The following ADGRE2 variants were observed in gnomAD, a reference collection of about 807,000 sequenced individuals.
ADGRE2 encodes the protein adhesion G protein-coupled receptor E2, also known as CD97 antigen.
In ADGRE2, 83 loss-of-function variants were observed where a neutral mutation model predicts 100.8. The observed-to-expected ratio is 0.82, with a 90% CI of 0.69 to 0.99. The LOEUF (loss-of-function observed/expected upper bound fraction) is 0.99. ADGRE2 is among the 50% of genes least tolerant of loss of function. The pLI, the probability that ADGRE2 is intolerant of heterozygous loss-of-function variation, is 0.00. For synonymous variants in ADGRE2, 355 were observed against 413.0 expected (o/e 0.86, Z 1.70); for missense variants, 814 against 1,035.7 (o/e 0.79, Z 2.94).
intron 20 of ADGRE2, chr19:14,741,699 A>T (rs1375538415): frequency 5.6e-6 from 1 of 179,430 alleles, no homozygotes; most frequent in East Asian, 1.3e-4. Context: ...GTTAGCCAGG[A>T]TGGTCTCGAT....
intron 1 of ADGRE2, 84 bp from the exon 2 acceptor site, chr19:14,777,011 CACA>C: frequency 1.5e-6 from 2 of 1,318,490 alleles, no homozygotes; most frequent in Non-Finnish European, 1.9e-6. Context: ...CACACACACA[CACA>C]CGTGTACTCG....
At chr19:14,737,676 T>C (rs2042797416) in intron 20 of ADGRE2, among the ~76,000 whole-genome samples, 1 of 152,040 alleles carries the variant, frequency 6.6e-6, no homozygotes, top group Admixed American at 6.6e-5. Flanking sequence ...AAAGTATCTA[T>C]CTGGGCCAGG....
chr19:14,733,013 T>A lies in ADGRE2; in HGVS notation c.*3223A>T, dbSNP rs2042689846. The stretch of plus-strand genomic sequence containing the variant: ...GGCTCTACACTCATAGGGACCCACA[T>A]GTTCCAAGCCTCCAGCTGTGTGTTC... On this transcript the variant is annotated 3_prime_UTR_variant, in exon 21 of 21. Transcript: ENST00000315576. The A allele has an allele frequency of 6.6e-6, 1 of 152,210 alleles. No homozygotes were observed. Among genetic ancestry groups the A allele is most frequent in the African/African-American group, 2.4e-5 (1 of 41,454 alleles). The allele number at this position is 152,210 out of a possible 1,614,324, so 9.4% of individuals were successfully genotyped here.
chr19:14,754,824 A>G (rs2043429988), intron 14 of ADGRE2, 130 bp downstream of exon 14: 1 of 1,005,598 alleles, frequency 9.9e-7, no homozygotes, highest in South Asian at 1.7e-5. Flanking sequence ...CAGAAAAGCC[A>G]TCTTGCTATG....
intron 11 of ADGRE2, among the ~76,000 whole-genome samples, chr19:14,760,550 GAC>G (rs1410131023): frequency 1.3e-5 from 2 of 151,362 alleles, no homozygotes; most frequent in African/African-American, 4.9e-5. Context: ...AAGAACTGAA[GAC>G]AGTTATTCAA....
Position 14,736,110 on chromosome 19 carries a change from A to G in ADGRE2, c.*126T>C, listed in dbSNP as rs1302100553. The G allele has an allele frequency of 1.1e-6, 1 of 885,264 alleles. No individual in the cohort carries two copies. The highest frequency in any genetic ancestry group is 1.8e-6 in the Non-Finnish European group (1 of 559,946). The allele number at this position is 885,264 out of a possible 1,614,324, so 54.8% of individuals were successfully genotyped here. ...TAGCACGCCTTCCATAACATCCTTC[A>G]TATTGCTGACATGGTGAATTTCTTG... On this transcript the variant is annotated 3_prime_UTR_variant, in exon 21 of 21. Coordinates refer to ENST00000315576, the MANE Select transcript of ADGRE2 (RefSeq NM_013447.4).
rs751451724 is a variant in ADGRE2 at position 14,766,293 on chromosome 19, G to A, written c.576C>T (p.Arg192=). 1 of 1,614,100 alleles carries A rather than the reference G, an allele frequency of 6.2e-7. No homozygotes were observed. The highest frequency in any genetic ancestry group is 2.2e-5 in the East Asian group (1 of 44,854). The part of the protein sequence containing the change: ...NNVGSYQCRC[R]PGWQPIPGSP... ...ACCCCGGAATCGGTTGCCAGCCCGG[G>A]CGGCAGCGGCACTGATAGCTGCCCA... The change falls in exon 7 of 21, where the codon CGC becomes CGT. Residue 192 remains arginine, a synonymous_variant. Coordinates refer to ENST00000315576, the MANE Select transcript of ADGRE2 (RefSeq NM_013447.4).
chr19:14,727,777 T>A (rs1483734040), downstream of ADGRE2, among the ~76,000 whole-genome samples: 6 of 152,094 alleles, frequency 3.9e-5, no homozygotes, highest in Admixed American at 3.9e-4. Flanking sequence ...TTTCCTTTAA[T>A]CCCATTTAAT....
At chr19:14,730,232 T>G (rs1171235296), downstream of ADGRE2, among the ~76,000 whole-genome samples, 1 of 152,088 alleles carries the variant, frequency 6.6e-6, no homozygotes, top group Non-Finnish European at 1.5e-5. Context: ...TTTTTGTATT[T>G]TTAGTAGAGA....
rs1014976082 is a variant in ADGRE2 at position 14,736,807 on chromosome 19, T to C, written c.2464-563A>G. Among the ~76,000 whole-genome samples, 9 of 145,190 alleles carry C rather than the reference T, an allele frequency of 6.2e-5. No homozygotes were observed. The Admixed American group carries it at 6.3e-4, about 10-fold the overall frequency. ...AGAAGTATAGATATTTAGAAATATATAGATATTTAGAAATATATAGATATT... is the reference window on the plus strand; with the variant it reads ...AGAAGTATAGATATTTAGAAATATACAGATATTTAGAAATATATAGATATT... On this transcript the variant is annotated intron_variant, in intron 20 of 20. Coordinates refer to ENST00000315576, the MANE Select transcript of ADGRE2 (RefSeq NM_013447.4).
chr19:14,735,953 T>C lies in ADGRE2; in HGVS notation c.*283A>G. On this transcript the variant is annotated 3_prime_UTR_variant, in exon 21 of 21. Transcript: ENST00000315576. ...GAGGCTGTGAAAGAGGTCTTAACGT[T>C]CTATAGCTTCATAAATATTGTGCTT... 1 of 309,580 alleles carries C rather than the reference T, an allele frequency of 3.2e-6. No homozygotes were observed. The allele number at this position is 309,580 out of a possible 1,614,324, so 19.2% of individuals were successfully genotyped here. A position where few individuals can be genotyped will look rare whatever the true frequency, so the allele number is the denominator to read the frequency against.
At chr19:14,731,137 C>G, downstream of ADGRE2, 1 of 1,528,912 alleles carries the variant, frequency 6.5e-7, no homozygotes, top group Non-Finnish European at 8.8e-7. Flanking sequence ...TTTCTCTTCT[C>G]TTTCCCTCAT....
downstream of ADGRE2, among the ~76,000 whole-genome samples, chr19:14,730,716 G>C (rs2042663558): frequency 6.6e-6 from 1 of 152,008 alleles, no homozygotes; most frequent in African/African-American, 2.4e-5. Context: ...TGTTACAAGA[G>C]TATATTGCAT....
intron 11 of ADGRE2, among the ~76,000 whole-genome samples, chr19:14,763,729 T>A (rs2043822667): frequency 6.4e-5 from 1 of 15,636 alleles, no homozygotes; most frequent in Non-Finnish European, 1.3e-4. Flanking sequence ...CTCTGCCTCC[T>A]CTCCTCCTCC....
Position 14,755,568 on chromosome 19 carries a change from C to A in ADGRE2, c.1416+86G>T, listed in dbSNP as rs1283613251. On this transcript the variant is annotated intron_variant, in intron 13 of 20. Transcript: ENST00000315576. ...GGAGATAATGTACCCATAACAGAGA[C>A]CCCTGAGCCCCAGGGCTGAGCTGAG... 4.1e-6 allele frequency: 5 copies of A among 1,206,370 alleles called. No individual in the cohort carries two copies. The East Asian group carries it at 9.3e-5, about 22-fold the overall frequency. 74.7% of individuals were successfully genotyped at this position (1,206,370 alleles called of 1,614,324 possible).
In ADGRE2 at chr19:14,751,141, A is replaced by G. The variant is rs139984442; in HGVS notation, c.2024+295T>C. On this transcript the variant is annotated intron_variant, in intron 16 of 20. Transcript: ENST00000315576. ...CTTAATTATTATAATCTTCTAGCAGAAAGATGCCCTAGGGATTATGACATA... is the reference window on the plus strand; with the variant it reads ...CTTAATTATTATAATCTTCTAGCAGGAAGATGCCCTAGGGATTATGACATA... Among the ~76,000 whole-genome samples the G allele has an allele frequency of 2.0e-4, 30 of 152,294 alleles. 1 individual carries two copies. In the East Asian group the frequency reaches 5.8e-3, roughly 29 times the overall value.
At position 14,754,966 on chromosome 19, in the gene ADGRE2, G is replaced by C; in HGVS notation, c.1578C>G (p.His526Gln). 1 of 1,613,970 alleles carries C rather than the reference G, an allele frequency of 6.2e-7. No individual in the cohort carries two copies. The change falls in exon 14 of 21, where the codon CAC (histidine) becomes CAG (glutamine). Residue 526 changes from histidine (H) to glutamine (Q), a missense_variant. This residue lies in a region of ADGRE2 where 569 missense variants were observed against 692.7 expected (regional missense o/e 0.82). Coordinates refer to ENST00000315576, the MANE Select transcript of ADGRE2 (RefSeq NM_013447.4). The stretch of plus-strand genomic sequence containing the variant: ...CTAAGGGTCTCACCTGCACATCGTA[G>C]TGGGCCATGAGGACGGCAAAGCTGC... ...HLSSFAVLMA[H>Q]YDVQEEDPVL... is the part of the protein sequence containing the mutation.
rs559494743 is a variant in ADGRE2, at chr19:14,770,681, T to C, written c.355+1661A>G. ...GTTTCTTTCTTTTCTTTTTTTTTTT[T>C]TTTTTTTTTTTTTTTTGAGACAAAG... On this transcript the variant is annotated intron_variant, in intron 5 of 20. Transcript: ENST00000315576. Among the ~76,000 whole-genome samples, 80 of 126,384 alleles carry C rather than the reference T, an allele frequency of 6.3e-4. 2 individuals are homozygous for C. The highest frequency in any genetic ancestry group is 3.8e-3 in the Middle Eastern group (1 of 266). The allele number at this position is 126,384 out of a possible 152,430, so 82.9% of individuals were successfully genotyped here. A position where few individuals can be genotyped will look rare whatever the true frequency, so the allele number is the denominator to read the frequency against.
rs374318452 is a variant in ADGRE2 at position 14,765,687 on chromosome 19, G to C, written c.752C>G (p.Pro251Arg). The C allele has an allele frequency of 1.4e-5, 22 of 1,611,986 alleles. No individual in the cohort carries two copies. Among genetic ancestry groups the C allele is most frequent in the Middle Eastern group, 1.6e-4 (1 of 6,068 alleles). The change falls in exon 8 of 21, where the codon CCG (proline) becomes CGG (arginine). Residue 251 changes from proline to arginine, a missense_variant. Physicochemically the swap from Pro to Arg is moderately radical, Grantham distance 103 (BLOSUM62 -2). Transcript: ENST00000315576. The part of the protein sequence containing the change: ...RPGWKPRHGI[P>R]NNQKDTVCED... ...ACAGACAGTGTCCTTTTGGTTATTC[G>C]GGATTCCGTGTCTGGGCTTCCAGCC...
Sources: allele counts gnomAD v4.1 joint callset (sites outside exome capture counted in the v4.1 genomes callset), GRCh38; gene constraint gnomAD v4.1.1; regional missense constraint gnomAD v4.1.1; transcripts MANE v1.5; gene names NCBI Gene and HGNC (gene_info 2026-07-23, HGNC 2026-07-21).